Variants in NID2 observed in about 807,000 individuals in gnomAD.
The protein encoded by NID2 is nidogen-2.
Under a neutral mutation model 145.4 loss-of-function variants are expected in NID2, and 83 were observed. The ratio of observed to expected loss-of-function variants is 0.57; its 90% confidence interval spans 0.48 to 0.69. The LOEUF (loss-of-function observed/expected upper bound fraction) is 0.69. Ranked by LOEUF, NID2 falls within the 30% of genes least tolerant of loss-of-function variation. NID2 has a pLI of 0.00. For missense variants in NID2, 1,807 were observed against 1,765.7 expected, an observed-to-expected ratio of 1.02 and a Z score of -0.42; for synonymous variants, 739 against 701.3, an observed-to-expected ratio of 1.05 and a Z score of -0.85.
intron 5 of NID2, among the ~76,000 whole-genome samples, chr14:52,052,036 C>T (rs962045340): frequency 2.0e-5 from 3 of 152,190 alleles, no homozygotes; most frequent in Admixed American, 6.5e-5. Context: ...AATATTCCCA[C>T]GCTCTTCCCA....
chr14:52,011,072 T>C (rs1890998224), intron 17 of NID2, 25 bp from the exon 18 acceptor site: 5 of 1,607,788 alleles, frequency 3.1e-6, no homozygotes, highest in Non-Finnish European at 2.6e-6. Flanking sequence ...AAGTCAGGAC[T>C]GGAGTGTTTG....
At position 52,019,302 on chromosome 14, in the gene NID2, G is replaced by C; in HGVS notation, c.2795-8C>G. On this transcript the variant is annotated splice_polypyrimidine_tract_variant and splice_region_variant and intron_variant, in intron 13 of 21. Transcript: ENST00000216286. ...TCAGGCTTGAGGTGGAGTCTTCCAG[G>C]ATCAAGGCAGAGGAAGACACAAAAG... 1 of 1,568,808 alleles carries C rather than the reference G, an allele frequency of 6.4e-7. No homozygotes were observed. Among genetic ancestry groups the C allele is most frequent in the Non-Finnish European group, 8.7e-7 (1 of 1,148,988 alleles).
intron 7 of NID2, among the ~76,000 whole-genome samples, chr14:52,041,179 C>CAA (rs11481357): frequency 7.2e-4 from 110 of 151,958 alleles, no homozygotes; most frequent in Non-Finnish European, 1.3e-3. Flanking sequence ...AACCTAACAA[C>CAA]AAAAAAACAA....
At position 52,038,870 on chromosome 14, in the gene NID2, C is replaced by T. The variant is rs555917416; in HGVS notation, c.2134G>A (p.Ala712Thr). The change falls in exon 9 of 22, where the codon GCC (alanine) becomes ACC (threonine). Residue 712 changes from alanine (A) to threonine (T), a missense_variant. Physicochemically the swap from Ala to Thr is moderately conservative, Grantham distance 58. Transcript: ENST00000216286. ...GTGGGGAAGGACGGGTGTCTGGGGG[C>T]GTGCCTGCACACCTGGTAAGTGATG... is the stretch of plus-strand genomic sequence containing the variant. ...QNITYQVCRHAPRHPSFPTTQ... is the reference protein window; with the variant it reads ...QNITYQVCRHTPRHPSFPTTQ... The T allele has an allele frequency of 8.7e-6, 14 of 1,614,080 alleles. No homozygotes were observed. The highest frequency in any genetic ancestry group is 1.3e-5 in the African/African-American group (1 of 75,038).
rs773352022 is a variant in NID2, at chr14:52,005,751, G to T, written c.4103C>A (p.Pro1368His). The T allele has an allele frequency of 2.5e-6, 4 of 1,612,228 alleles. No homozygotes were observed. The Admixed American group carries it at 6.7e-5, about 27-fold the overall frequency. The change falls in exon 21 of 22, where the codon CCC becomes CAC. Residue 1368 changes from proline to histidine, a missense_variant. Pro to His is a moderately conservative substitution (Grantham distance 77, BLOSUM62 -2). Transcript: ENST00000216286. Reference protein sequence around the residue: ...SHLYGITAVYPYCPTGRK With the variant: ...SHLYGITAVYHYCPTGRK ...ATACTTTTTACCTGTTGGGCAGTAGGGGTAGACTGCAGTTATCCCGTAGAG... is the reference window on the plus strand; with the variant it reads ...ATACTTTTTACCTGTTGGGCAGTAGTGGTAGACTGCAGTTATCCCGTAGAG...
intron 5 of NID2, among the ~76,000 whole-genome samples, chr14:52,044,078 G>A (rs1240225082): frequency 6.6e-6 from 1 of 152,054 alleles, no homozygotes; most frequent in Non-Finnish European, 1.5e-5. Flanking sequence ...GAGACAGGAG[G>A]GGAGGAAGAA....
intron 12 of NID2, among the ~76,000 whole-genome samples, chr14:52,023,872 C>T (rs141025318): frequency 1.2e-4 from 18 of 152,202 alleles, no homozygotes; most frequent in Admixed American, 1.2e-3. Context: ...CAAACTATGG[C>T]TGGAGAAAAA....
chr14:52,027,002 C>T (rs1184333317), intron 12 of NID2, among the ~76,000 whole-genome samples, 199 bp downstream of exon 12: 1 of 152,202 alleles, frequency 6.6e-6, no homozygotes, highest in Non-Finnish European at 1.5e-5. Flanking sequence ...GCCATATATG[C>T]TCGCCCATCT....
At chr14:52,065,626 G>A (rs971083369) in intron 2 of NID2, among the ~76,000 whole-genome samples, 1 of 118,194 alleles carries the variant, frequency 8.5e-6, no homozygotes, top group Non-Finnish European at 1.7e-5. Flanking sequence ...CTAGCATTAG[G>A]TATATCTCCC....
chr14:52,049,913 T>TGGAGC (rs1892633734), intron 5 of NID2, among the ~76,000 whole-genome samples: 1 of 152,158 alleles, frequency 6.6e-6, no homozygotes. Context: ...TCACAGACCC[T>TGGAGC]CTGCAACCTG....
At chr14:52,029,972 G>T (rs976718683) in intron 9 of NID2, among the ~76,000 whole-genome samples, 1 of 152,124 alleles carries the variant, frequency 6.6e-6, no homozygotes, top group Admixed American at 6.5e-5. Context: ...CTGTTTAAAA[G>T]TGCTTTTGCT....
chr14:52,065,616 C>T (rs1403830387), intron 2 of NID2, among the ~76,000 whole-genome samples: 1 of 123,966 alleles, frequency 8.1e-6, no homozygotes, highest in Admixed American at 8.7e-5. Flanking sequence ...AACGTGTCAT[C>T]TAGCATTAGG....
chr14:52,059,947 T>C (rs1372765378), intron 3 of NID2, among the ~76,000 whole-genome samples, 177 bp downstream of exon 3: 1 of 152,214 alleles, frequency 6.6e-6, no homozygotes, highest in African/African-American at 2.4e-5. Context: ...AAGGACCTTT[T>C]ATGTTTTGGT....
chr14:52,025,185 T>C (rs1392661630), intron 12 of NID2, among the ~76,000 whole-genome samples: 5 of 152,218 alleles, frequency 3.3e-5, no homozygotes, highest in Non-Finnish European at 7.3e-5. Flanking sequence ...AAAAGCATCA[T>C]TCCCACTGTC....
intron 12 of NID2, 141 bp downstream of exon 12, chr14:52,027,060 C>T: frequency 1.2e-6 from 1 of 849,152 alleles, no homozygotes; most frequent in Non-Finnish European, 1.6e-6. Flanking sequence ...TCAAAGGACG[C>T]TTTTTTCTCA....
chr14:52,037,161 C>T (rs572003360), intron 9 of NID2, among the ~76,000 whole-genome samples: 67 of 152,308 alleles, frequency 4.4e-4, no homozygotes, highest in African/African-American at 1.6e-3. Flanking sequence ...GTAAAAGGTT[C>T]AACTTCATTC....
chr14:52,059,624 G>A (rs1892961542), intron 3 of NID2, among the ~76,000 whole-genome samples: 1 of 152,228 alleles, frequency 6.6e-6, no homozygotes, highest in South Asian at 2.1e-4. Flanking sequence ...TAAGGAATGG[G>A]TTCAATTCAT....
At position 52,053,698 on chromosome 14, in the gene NID2, G is replaced by T. The variant is rs376813870; in HGVS notation, c.1310C>A (p.Pro437Gln). ...AACAATTTCTTCTTCAGGATGAGCTGGGGGAACATCCATTTCCGAAGGCAC... is the reference window on the plus strand; with the variant it reads ...AACAATTTCTTCTTCAGGATGAGCTTGGGGAACATCCATTTCCGAAGGCAC... ...GPVPSEMDVP[P>Q]AHPEEEIVLR... Residue 437 changes from proline (P) to glutamine (Q), a missense_variant, in exon 5 of 22, where the codon CCA (proline) becomes CAA (glutamine). Pro to Gln is a moderately conservative substitution (Grantham distance 76, BLOSUM62 -1). Transcript: ENST00000216286. 9 of 1,614,106 alleles carry T rather than the reference G, an allele frequency of 5.6e-6. No individual in the cohort carries two copies. The African/African-American group carries it at 6.7e-5, about 12-fold the overall frequency.
rs1490938455 is a variant in NID2 at position 52,060,338 on chromosome 14, C to T, written c.553G>A (p.Val185Ile). The change falls in exon 3 of 22, where the codon GTT becomes ATT. Residue 185 changes from valine to isoleucine, a missense_variant. Val to Ile is a conservative substitution (Grantham distance 29, BLOSUM62 3). Coordinates refer to ENST00000216286, the MANE Select transcript of NID2 (RefSeq NM_007361.4). ...CTATCAGACCCATCAGATGCCAAAACTGCCTGGAAAGTGTTCAGCTGTGAG... is the reference window on the plus strand; with the variant it reads ...CTATCAGACCCATCAGATGCCAAAATTGCCTGGAAAGTGTTCAGCTGTGAG... ...PSGELNTFQA[V>I]LASDGSDSYA... is the part of the protein sequence containing the mutation. 6.6e-7 allele frequency: 1 copy of T among 1,520,918 alleles called. No individual in the cohort carries two copies. 94.2% of individuals were successfully genotyped at this position (1,520,918 alleles called of 1,614,324 possible).
Sources: allele counts gnomAD v4.1 joint callset (sites outside exome capture counted in the v4.1 genomes callset), GRCh38; gene constraint gnomAD v4.1.1; transcripts MANE v1.5; gene names NCBI Gene and HGNC (gene_info 2026-07-23, HGNC 2026-07-21).